The following CFAP20DC variants were observed in gnomAD, a reference collection of about 807,000 sequenced individuals.
CFAP20DC encodes CFAP20 domain containing.
In CFAP20DC, 84 loss-of-function variants were observed where a neutral mutation model predicts 101.7. The observed-to-expected ratio is 0.83, with a 90% confidence interval of 0.69 to 0.99. The LOEUF (loss-of-function observed/expected upper bound fraction) is 0.99. Among genes scored for constraint, CFAP20DC ranks in the 50% least tolerant of loss-of-function variants. CFAP20DC has a pLI of 0.00. For synonymous variants in CFAP20DC, 359 were observed against 351.2 expected (o/e 1.02, Z -0.25); for missense variants, 1,007 against 970.3 (o/e 1.04, Z -0.50).
chr3:58,811,368 T>C (rs573921308), intron 14 of CFAP20DC, among the ~76,000 whole-genome samples: 2 of 152,074 alleles, frequency 1.3e-5, no homozygotes, highest in East Asian at 3.9e-4. Flanking sequence ...TATAGATCAA[T>C]GGAACAGAAC....
At chr3:58,852,241 C>G (rs2078315258) in intron 12 of CFAP20DC, among the ~76,000 whole-genome samples, 1 of 152,082 alleles carries the variant, frequency 6.6e-6, no homozygotes. Flanking sequence ...TTTAAAATTT[C>G]CATTGAAAGC....
chr3:58,756,642 C>G (rs1228188806), intron 15 of CFAP20DC, among the ~76,000 whole-genome samples: 1 of 152,014 alleles, frequency 6.6e-6, no homozygotes, highest in Non-Finnish European at 1.5e-5. Flanking sequence ...ATCCTCCTAT[C>G]TCTTCCTGTT....
At chr3:58,761,325 A>T (rs1310005372) in intron 15 of CFAP20DC, among the ~76,000 whole-genome samples, 35 of 152,088 alleles carry the variant, frequency 2.3e-4, no homozygotes, top group Admixed American at 2.2e-3. Flanking sequence ...ATTTGTGTAG[A>T]GGTGTTTATA....
At chr3:58,837,702 A>G (rs1027915306) in intron 13 of CFAP20DC, among the ~76,000 whole-genome samples, 6 of 152,194 alleles carry the variant, frequency 3.9e-5, no homozygotes, top group African/African-American at 1.4e-4. Context: ...CTGGAGAGTC[A>G]GTATCACTGG....
At chr3:58,889,979 G>T in intron 6 of CFAP20DC, among the ~76,000 whole-genome samples, 2 of 141,530 alleles carry the variant, frequency 1.4e-5, no homozygotes, top group Non-Finnish European at 3.1e-5. Context: ...GCAACCATCC[G>T]ATTTCTCAAT....
chr3:58,905,207 T>C (rs2083477323), intron 6 of CFAP20DC, among the ~76,000 whole-genome samples: 1 of 152,196 alleles, frequency 6.6e-6, no homozygotes, highest in South Asian at 2.1e-4. Context: ...TCTTGCTTCA[T>C]GGATCATCAT....
At chr3:59,036,117 C>G (rs2094098205) in intron 4 of CFAP20DC, among the ~76,000 whole-genome samples, 1 of 152,182 alleles carries the variant, frequency 6.6e-6, no homozygotes, top group African/African-American at 2.4e-5. Flanking sequence ...GCTAAAAGTT[C>G]TCCATAAACT....
chr3:58,963,719 GAA>G (rs1318870800), intron 4 of CFAP20DC, among the ~76,000 whole-genome samples: 2 of 152,006 alleles, frequency 1.3e-5, no homozygotes, highest in Non-Finnish European at 2.9e-5. Flanking sequence ...AAAGAGGAAA[GAA>G]AGATTAAATA....
intron 15 of CFAP20DC, among the ~76,000 whole-genome samples, chr3:58,769,017 G>A (rs766441136): frequency 3.9e-5 from 6 of 152,334 alleles, no homozygotes; most frequent in South Asian, 4.1e-4. Context: ...AAATGGAACC[G>A]TATGAATACC....
At position 58,913,721 on chromosome 3, in the gene CFAP20DC, AGT is replaced by A; in HGVS notation, c.535_536del (p.Thr179CysfsTer2). The A allele has an allele frequency of 6.2e-7, 1 of 1,613,662 alleles. No individual in the cohort carries two copies. Among genetic ancestry groups the A allele is most frequent in the Non-Finnish European group, 8.5e-7 (1 of 1,179,764 alleles). On this transcript the variant is annotated frameshift_variant, in exon 6 of 17. Coordinates refer to ENST00000482387, the MANE Select transcript of CFAP20DC (RefSeq NM_001394063.1). LOFTEE classifies it high-confidence loss of function. This position sits in a 1 kb window ranked among gnomAD's most constrained non-coding sequence, Gnocchi z 4.4. ...ACCTGAACATACCATCCTTATCAGC[AGT>A]GTCTTGTGGCTTTGATTTTAAGGTG... The part of the protein sequence containing the change: ...IFTLKSKPQD[T>X]ADKDAVYGVP...
chr3:58,742,019 A>T lies in CFAP20DC; in HGVS notation c.*441T>A, dbSNP rs776741303. On this transcript the variant is annotated 3_prime_UTR_variant, in exon 17 of 17. Coordinates refer to ENST00000482387, the MANE Select transcript of CFAP20DC (RefSeq NM_001394063.1). ...CAGTTTAAAAGCTATTCTTCTTACC[A>T]TCATACTTTATTTTTAATACAAATG... 1 of 927,852 alleles carries T rather than the reference A, an allele frequency of 1.1e-6. No individual in the cohort carries two copies. Among genetic ancestry groups the T allele is most frequent in the Non-Finnish European group, 1.3e-6 (1 of 777,004 alleles). 57.5% of individuals were successfully genotyped at this position (927,852 alleles called of 1,614,324 possible).
rs1314509147 is a variant in CFAP20DC at position 58,816,532 on chromosome 3, A to AT, written c.2176-10077_2176-10076insA. Reference sequence around the variant, plus strand: ...TCCGAGTCAAAGAAAGGGGTGACGGACGCATCTGGAAAATCGGGTGACTCC... The same window carrying AT: ...TCCGAGTCAAAGAAAGGGGTGACGGATCGCATCTGGAAAATCGGGTGACTCC... On this transcript the variant is annotated intron_variant, in intron 14 of 16. Transcript: ENST00000482387. Among the ~76,000 whole-genome samples the AT allele has an allele frequency of 2.9e-4, 44 of 152,160 alleles. 1 individual carries two copies. The highest frequency in any genetic ancestry group is 5.0e-4 in the Non-Finnish European group (34 of 68,030).
At chr3:58,996,735 A>G (rs1474318892) in intron 4 of CFAP20DC, among the ~76,000 whole-genome samples, 1 of 152,248 alleles carries the variant, frequency 6.6e-6, no homozygotes, top group Non-Finnish European at 1.5e-5. Context: ...AGAATTTTCC[A>G]AAGAAGGAAG....
chr3:58,845,096 A>C (rs28772681), intron 13 of CFAP20DC, among the ~76,000 whole-genome samples: 1 of 148,590 alleles, frequency 6.7e-6, no homozygotes, highest in Non-Finnish European at 1.5e-5. Context: ...CATCACAATT[A>C]AAAGAACTAG....
In CFAP20DC at chr3:59,037,463, G is replaced by C. The variant is rs544453032; in HGVS notation, c.278+2094C>G. On this transcript the variant is annotated intron_variant, in intron 4 of 16. Transcript: ENST00000482387. ...AAAAAAAAAAACTCCAGCAAAAACT[G>C]GGCAAAGGATATGAACAGACACTTC... Among the ~76,000 whole-genome samples the C allele has an allele frequency of 2.6e-5, 4 of 151,646 alleles. No homozygotes were observed. The South Asian group carries it at 6.2e-4, about 24-fold the overall frequency.
At chr3:58,853,848 G>A (rs930801752) in intron 12 of CFAP20DC, among the ~76,000 whole-genome samples, 4 of 151,898 alleles carry the variant, frequency 2.6e-5, no homozygotes, top group Non-Finnish European at 5.9e-5. Context: ...AATAATAAGA[G>A]CTATCTATGA....
rs533577832 is a variant in CFAP20DC, at chr3:58,864,239, G to A, written c.1259-347C>T. ...CCCAAAAAGCTGGGATTACAGGCAT[G>A]AGCCACCGCGCCTGGCCAAAAGTGT... On this transcript the variant is annotated intron_variant, in intron 11 of 16. Coordinates refer to ENST00000482387, the MANE Select transcript of CFAP20DC (RefSeq NM_001394063.1). The surrounding 1 kb of genome is among the most constrained non-coding windows in gnomAD (Gnocchi z 4.7). 2.0e-4 allele frequency among the ~76,000 whole-genome samples: 31 copies of A among 152,306 alleles called. No homozygotes were observed. The highest frequency in any genetic ancestry group is 6.3e-4 in the African/African-American group (26 of 41,572).
chr3:58,790,044 T>G (rs1336601561), intron 15 of CFAP20DC, among the ~76,000 whole-genome samples: 2 of 152,180 alleles, frequency 1.3e-5, no homozygotes, highest in Non-Finnish European at 2.9e-5. Context: ...TAATTATTCT[T>G]ATTAATATTG....
rs777315560 is a variant in CFAP20DC at position 59,015,989 on chromosome 3, C to T, written c.278+23568G>A. ...CAAAATGCTGGGAAGAAGCCAGATC[C>T]TGGGTTCTGGCTACCTTGTGGGTTT... is the stretch of plus-strand genomic sequence containing the variant. On this transcript the variant is annotated intron_variant, in intron 4 of 16. Coordinates refer to ENST00000482387, the MANE Select transcript of CFAP20DC (RefSeq NM_001394063.1). The surrounding 1 kb of genome is among the most constrained non-coding windows in gnomAD (Gnocchi z 5.4). Among the ~76,000 whole-genome samples, 21 of 152,102 alleles carry T rather than the reference C, an allele frequency of 1.4e-4. No individual in the cohort carries two copies. Among genetic ancestry groups the T allele is most frequent in the Non-Finnish European group, 2.9e-4 (20 of 68,010 alleles).
Sources: gnomAD v4.1 joint callset for allele counts (sites outside exome capture counted in the v4.1 genomes callset) on GRCh38, gnomAD v4.1.1 for gene constraint, Gnocchi (gnomAD v3.1) non-coding constraint, MANE v1.5 for transcripts, NCBI Gene and HGNC (gene_info 2026-07-23, HGNC 2026-07-21) for gene names.